LMX1B: variants seen among roughly 807,000 people sequenced by gnomAD.
The protein encoded by LMX1B is LIM homeobox transcription factor 1 beta.
A neutral mutation model predicts 51.4 loss-of-function variants in LMX1B; 12 were observed. The observed-to-expected ratio is 0.23, with a 90% CI of 0.15 to 0.38. The LOEUF is 0.38. Among genes scored for constraint, LMX1B ranks in the 10% least tolerant of loss-of-function variants. LMX1B has a pLI of 1.00. For synonymous variants in LMX1B, 237 were observed against 235.4 expected (o/e 1.01, Z -0.06); for missense variants, 445 against 571.1 (o/e 0.78, Z 2.25).
intron 2 of LMX1B, among the ~76,000 whole-genome samples, chr9:126,675,076 C>T (rs535865941): frequency 2.6e-5 from 4 of 152,144 alleles, no homozygotes; most frequent in South Asian, 4.2e-4. Flanking sequence ...CATCTCCAGT[C>T]ATGGGGTGGG....
In LMX1B at chr9:126,673,775, G is replaced by T. The variant is rs1312824737; in HGVS notation, c.327-17061G>T. On this transcript the variant is annotated intron_variant, in intron 2 of 7. Transcript: ENST00000373474. The surrounding 1 kb of genome is among the most constrained non-coding windows in gnomAD (Gnocchi z 4.4). The stretch of plus-strand genomic sequence containing the variant: ...GCATTTAGGAATCTGCTTGTGCAGG[G>T]GTGGTGGGAGGGGCCGGGGTGGAGG... Among the ~76,000 whole-genome samples, 2 of 152,166 alleles carry T rather than the reference G, an allele frequency of 1.3e-5. No homozygotes were observed. The highest frequency in any genetic ancestry group is 4.8e-5 in the African/African-American group (2 of 41,448).
chr9:126,632,923 G>A, intron 2 of LMX1B, among the ~76,000 whole-genome samples: 1 of 152,196 alleles, frequency 6.6e-6, no homozygotes, highest in East Asian at 1.9e-4. Flanking sequence ...TTTTGAACAA[G>A]TGGCTCTGCC....
intron 2 of LMX1B, among the ~76,000 whole-genome samples, chr9:126,657,231 C>T (rs780197801): frequency 6.6e-6 from 1 of 152,192 alleles, no homozygotes; most frequent in Non-Finnish European, 1.5e-5. Flanking sequence ...GTAGACATCA[C>T]CAGCTTGGCA....
intron 2 of LMX1B, among the ~76,000 whole-genome samples, chr9:126,634,604 C>CA (rs1316693921): frequency 6.6e-6 from 1 of 150,498 alleles, no homozygotes; most frequent in Non-Finnish European, 1.5e-5. Flanking sequence ...TTCTGCACAC[C>CA]CCCCCCACAA....
chr9:126,637,822 T>TCCCCCCCCCCCCCCCC (rs56108871), intron 2 of LMX1B, among the ~76,000 whole-genome samples: 7 of 91,996 alleles, frequency 7.6e-5, no homozygotes, highest in Admixed American at 5.6e-4. Flanking sequence ...GTGCCTGTCC[T>TCCCCCCCCCCCCCCCC]CCCCCCCCCC....
At chr9:126,661,696 G>C (rs933620821) in intron 2 of LMX1B, among the ~76,000 whole-genome samples, 2 of 152,078 alleles carry the variant, frequency 1.3e-5, no homozygotes, top group African/African-American at 2.4e-5. Context: ...CTGCAGTGTG[G>C]CTGCGGGGCC....
intron 2 of LMX1B, among the ~76,000 whole-genome samples, chr9:126,676,011 T>A (rs1836551526): frequency 7.0e-6 from 1 of 143,766 alleles, no homozygotes; most frequent in South Asian, 2.2e-4. Flanking sequence ...ATCGCGCCAC[T>A]GCACTCCAGC....
intron 2 of LMX1B, among the ~76,000 whole-genome samples, chr9:126,655,816 G>T (rs927385476): frequency 1.3e-5 from 2 of 152,206 alleles, no homozygotes; most frequent in African/African-American, 4.8e-5. Flanking sequence ...AAAGTTGGGT[G>T]CTGCTGTTTT....
Position 126,693,197 on chromosome 9 carries a change from G to A in LMX1B, c.615G>A (p.Gln205=), listed in dbSNP as rs1226350357. Residue 205 remains glutamine, a synonymous_variant, in exon 4 of 8, where the codon CAG becomes CAA. Transcript: ENST00000373474. ...DMKPAKGQGS[Q]SKGSGDDGKD... The stretch of plus-strand genomic sequence containing the variant: ...AGCCGGCCAAGGGGCAGGGCAGTCA[G>A]AGCAAGGGCAGCGGGGATGACGGGA... 1.9e-6 allele frequency: 3 copies of A among 1,606,462 alleles called. No individual in the cohort carries two copies. In the South Asian group the frequency reaches 3.4e-5, roughly 18 times the overall value.
chr9:126,678,139 C>T (rs1836601171), intron 2 of LMX1B, among the ~76,000 whole-genome samples: 2 of 151,862 alleles, frequency 1.3e-5, no homozygotes, highest in Non-Finnish European at 2.9e-5. Context: ...GGTGAAACCC[C>T]ATCTCTACTT....
rs1033381429 is a variant in LMX1B, at chr9:126,614,125, C to T, written c.-325C>T. 7.0e-6 allele frequency among the ~76,000 whole-genome samples: 1 copy of T among 143,508 alleles called. No individual in the cohort carries two copies. Among genetic ancestry groups the T allele is most frequent in the East Asian group, 2.1e-4 (1 of 4,798 alleles). 94.1% of individuals were successfully genotyped at this position (143,508 alleles called of 152,430 possible). On this transcript the variant is annotated 5_prime_UTR_variant, in exon 1 of 8. Transcript: ENST00000373474. ...GCCGCCGCCGCCACCGCCACCGCCG[C>T]CGCCGCCTCCTCCCCGCGGCTCCGT...
intron 2 of LMX1B, among the ~76,000 whole-genome samples, chr9:126,637,903 C>T (rs1835742124): frequency 1.3e-5 from 2 of 148,960 alleles, no homozygotes; most frequent in South Asian, 4.3e-4. Flanking sequence ...GGAACTTGGC[C>T]CTGCTGTAGC....
intron 2 of LMX1B, among the ~76,000 whole-genome samples, chr9:126,667,475 C>T (rs16929210): frequency 0.11 from 16,028 of 152,216 alleles, 1,129 homozygotes; most frequent in East Asian, 0.35. Context: ...TGCCGCGTGA[C>T]GGGAGCTGGA....
intron 2 of LMX1B, among the ~76,000 whole-genome samples, chr9:126,669,241 CGAG>C (rs35558800): frequency 0.46 from 69,731 of 151,596 alleles, 16,287 homozygotes; most frequent in East Asian, 0.53. Context: ...GGCCTGGCCG[CGAG>C]GAGGGTGGAG....
chr9:126,623,827 C>T (rs749966119), intron 2 of LMX1B, among the ~76,000 whole-genome samples: 7 of 152,224 alleles, frequency 4.6e-5, no homozygotes, highest in Admixed American at 6.5e-5. Context: ...AATTGCCTTC[C>T]CCTGGGCGGG....
intron 2 of LMX1B, among the ~76,000 whole-genome samples, chr9:126,660,005 C>A (rs1836201470): frequency 6.7e-6 from 1 of 149,874 alleles, no homozygotes; most frequent in Admixed American, 6.6e-5. Context: ...TCTACACTGG[C>A]CTTGGAAATT....
chr9:126,673,630 ACCT>A lies in LMX1B; in HGVS notation c.327-17203_327-17201del, dbSNP rs1206677057. 6.6e-5 allele frequency among the ~76,000 whole-genome samples: 10 copies of A among 151,710 alleles called. No individual in the cohort carries two copies. In the East Asian group the frequency reaches 1.9e-3, roughly 29 times the overall value. ...AGGTCCCCGGGCTCTGAGACACTCC[ACCT>A]CCACTCTGGGCAGAGAGGGGGCATC... On this transcript the variant is annotated intron_variant, in intron 2 of 7. Coordinates refer to ENST00000373474, the MANE Select transcript of LMX1B (RefSeq NM_001174147.2). The surrounding 1 kb of genome is among the most constrained non-coding windows in gnomAD (Gnocchi z 4.4).
At chr9:126,664,324 A>G (rs554501359) in intron 2 of LMX1B, among the ~76,000 whole-genome samples, 10 of 152,020 alleles carry the variant, frequency 6.6e-5, no homozygotes, top group African/African-American at 2.4e-4. Context: ...TAACTTGGAG[A>G]CCAAGTCACA....
At chr9:126,692,294 C>T (rs1218719526) in intron 3 of LMX1B, among the ~76,000 whole-genome samples, 1 of 152,182 alleles carries the variant, frequency 6.6e-6, no homozygotes, top group Non-Finnish European at 1.5e-5. Flanking sequence ...GATCACCCGC[C>T]TCATACTCCA....
Sources: gnomAD v4.1 joint callset for allele counts (sites outside exome capture counted in the v4.1 genomes callset) on GRCh38, gnomAD v4.1.1 for gene constraint, Gnocchi (gnomAD v3.1) non-coding constraint, MANE v1.5 for transcripts, NCBI Gene and HGNC (gene_info 2026-07-23, HGNC 2026-07-21) for gene names.